TMEFF2: variants seen among roughly 807,000 people sequenced by gnomAD.
TMEFF2 encodes tomoregulin-2.
In TMEFF2, 28 loss-of-function variants were observed where a neutral mutation model predicts 53.8. The observed-to-expected ratio is 0.52, with a 90% confidence interval of 0.39 to 0.71. The LOEUF is 0.71. TMEFF2 is among the 30% of genes least tolerant of loss of function. The pLI is 0.00. For missense variants in TMEFF2, 353 were observed against 455.2 expected (o/e 0.78, Z 2.04); for synonymous variants, 162 against 166.3 (o/e 0.97, Z 0.20).
At chr2:192,002,967 A>G (rs1229337861) in intron 5 of TMEFF2, among the ~76,000 whole-genome samples, 1 of 152,208 alleles carries the variant, frequency 6.6e-6, no homozygotes, top group Non-Finnish European at 1.5e-5. Flanking sequence ...TATTTACTAT[A>G]TTCCATGTAT....
chr2:192,098,380 G>A (rs779379056), intron 4 of TMEFF2, among the ~76,000 whole-genome samples: 2 of 152,084 alleles, frequency 1.3e-5, no homozygotes, highest in African/African-American at 2.4e-5. Context: ...TCTGCCATTC[G>A]GAATTAAAAT....
chr2:192,130,389 C>CA (rs1446991565), intron 4 of TMEFF2, among the ~76,000 whole-genome samples: 1 of 152,034 alleles, frequency 6.6e-6, no homozygotes, highest in Non-Finnish European at 1.5e-5. Context: ...AAGAGTATGT[C>CA]AGGCCTCTGA....
intron 4 of TMEFF2, among the ~76,000 whole-genome samples, chr2:192,066,169 G>A (rs772487625): frequency 2.6e-5 from 4 of 151,258 alleles, no homozygotes; most frequent in Non-Finnish European, 5.9e-5. Flanking sequence ...CTGTTACATC[G>A]TATTATTAAA....
chr2:192,144,695 A>T (rs752106880), intron 4 of TMEFF2, among the ~76,000 whole-genome samples: 1 of 152,086 alleles, frequency 6.6e-6, no homozygotes, highest in Non-Finnish European at 1.5e-5. Context: ...TTTAAATGTA[A>T]TAACAACAAG....
At chr2:191,984,111 T>G (rs1475682210) in intron 7 of TMEFF2, among the ~76,000 whole-genome samples, 1 of 152,032 alleles carries the variant, frequency 6.6e-6, no homozygotes, top group African/African-American at 2.4e-5. Flanking sequence ...CGTAAGTTCT[T>G]TTTTTCTTTT....
chr2:192,082,368 T>TGGAGTTAAACAGAAAGTC (rs1688574198), intron 4 of TMEFF2, among the ~76,000 whole-genome samples: 1 of 152,290 alleles, frequency 6.6e-6, no homozygotes, highest in African/African-American at 2.4e-5. Context: ...CAAACAGCAC[T>TGGAGTTAAACAGAAAGTC]GGAGTTAAAC....
At chr2:192,065,503 C>T (rs1012411303) in intron 4 of TMEFF2, among the ~76,000 whole-genome samples, 1 of 151,864 alleles carries the variant, frequency 6.6e-6, no homozygotes, top group East Asian at 1.9e-4. Context: ...GAGAAAAGAG[C>T]TTTTACACAC....
At chr2:191,994,827 T>G (rs1294485041) in intron 7 of TMEFF2, among the ~76,000 whole-genome samples, 1 of 151,992 alleles carries the variant, frequency 6.6e-6, no homozygotes, top group Non-Finnish European at 1.5e-5. Flanking sequence ...ATGGCCTGGT[T>G]AGCTCATCTG....
At chr2:192,101,820 A>C (rs1188118332) in intron 4 of TMEFF2, among the ~76,000 whole-genome samples, 2 of 152,212 alleles carry the variant, frequency 1.3e-5, no homozygotes, top group African/African-American at 2.4e-5. Context: ...AATATTAGGC[A>C]ACCTAAAGAA....
At chr2:192,092,013 T>TA (rs2105935389) in intron 4 of TMEFF2, among the ~76,000 whole-genome samples, 1 of 150,154 alleles carries the variant, frequency 6.7e-6, no homozygotes, top group African/African-American at 2.5e-5. Flanking sequence ...ATCAGAAACT[T>TA]AAACAACTGA....
At chr2:191,954,731 C>T (rs903162501) in intron 8 of TMEFF2, among the ~76,000 whole-genome samples, 1 of 152,096 alleles carries the variant, frequency 6.6e-6, no homozygotes, top group Non-Finnish European at 1.5e-5. Context: ...ACGTAGGCAA[C>T]ATAGTTCTGC....
chr2:192,124,074 C>T (rs1371681986), intron 4 of TMEFF2, among the ~76,000 whole-genome samples: 1 of 152,200 alleles, frequency 6.6e-6, no homozygotes, highest in Non-Finnish European at 1.5e-5. Flanking sequence ...TGATCAGCTG[C>T]TTCTCTTAAT....
chr2:192,082,089 C>G (rs967570426), intron 4 of TMEFF2, among the ~76,000 whole-genome samples: 1 of 152,142 alleles, frequency 6.6e-6, no homozygotes, highest in African/African-American at 2.4e-5. Flanking sequence ...CGTGAGCCAC[C>G]GTGCCCGGCC....
intron 5 of TMEFF2, among the ~76,000 whole-genome samples, chr2:192,035,712 ACTC>A (rs1468297646): frequency 6.6e-6 from 1 of 151,990 alleles, no homozygotes; most frequent in African/African-American, 2.4e-5. Context: ...ATTTATCTGA[ACTC>A]CTGCAGCTCT....
intron 4 of TMEFF2, among the ~76,000 whole-genome samples, chr2:192,104,658 C>A (rs898222215): frequency 6.6e-6 from 1 of 151,988 alleles, no homozygotes; most frequent in Non-Finnish European, 1.5e-5. Context: ...AATTATTCAA[C>A]TGTAAATGAT....
In TMEFF2 at chr2:192,070,214, G is replaced by A. The variant is rs10177377; in HGVS notation, c.440-12439C>T. Among the ~76,000 whole-genome samples the A allele has an allele frequency of 6.7e-3, 1,018 of 151,602 alleles. 8 individuals carry two copies. The highest frequency in any genetic ancestry group is 0.024 in the African/African-American group (984 of 41,394). On this transcript the variant is annotated intron_variant, in intron 4 of 9. Transcript: ENST00000272771. The stretch of plus-strand genomic sequence containing the variant: ...TAAACTATGATTTAGATTTGTGAAT[G>A]AATAAAGCATATTGGTAACAATAAT...
rs370732964 is a variant in TMEFF2, at chr2:191,950,262, T to C, written c.*49A>G. 14 of 1,610,340 alleles carry C rather than the reference T, an allele frequency of 8.7e-6. No homozygotes were observed. Among genetic ancestry groups the C allele is most frequent in the South Asian group, 6.6e-5 (6 of 90,800 alleles). On this transcript the variant is annotated 3_prime_UTR_variant, in exon 10 of 10. Transcript: ENST00000272771. ...TATTCTTTTGTCTATAATACTGTATTGTGTAGTCCAAGCTCTCGGTAGTCC... is the reference window on the plus strand; with the variant it reads ...TATTCTTTTGTCTATAATACTGTATCGTGTAGTCCAAGCTCTCGGTAGTCC...
intron 4 of TMEFF2, among the ~76,000 whole-genome samples, chr2:192,176,520 A>C (rs1034974062): frequency 1.3e-5 from 2 of 151,272 alleles, no homozygotes; most frequent in Non-Finnish European, 3.0e-5. Flanking sequence ...TTTAGGAGAG[A>C]ATGCATCTTT....
chr2:192,172,530 A>G (rs1690942046), intron 4 of TMEFF2, among the ~76,000 whole-genome samples: 1 of 152,052 alleles, frequency 6.6e-6, no homozygotes, highest in East Asian at 1.9e-4. Context: ...TACTTACACA[A>G]CTATCCTATA....
Sources: gnomAD v4.1 joint callset for allele counts (sites outside exome capture counted in the v4.1 genomes callset) on GRCh38, gnomAD v4.1.1 for gene constraint, MANE v1.5 for transcripts, NCBI Gene and HGNC (gene_info 2026-07-23, HGNC 2026-07-21) for gene names.